The following TIMP2 variants were observed in gnomAD, a reference collection of about 807,000 sequenced individuals.
TIMP2 encodes the protein metalloproteinase inhibitor 2.
In TIMP2, 5 loss-of-function variants were observed where a neutral mutation model predicts 24.3. That is an observed-to-expected ratio of 0.21 (90% CI 0.11 to 0.43). TIMP2 has a LOEUF of 0.43. Among genes scored for constraint, TIMP2 ranks in the 20% least tolerant of loss-of-function variants. The probability of loss-of-function intolerance (pLI) is 1.00; values close to 1 mark genes in which losing one functional copy is unlikely to be tolerated. For missense variants in TIMP2, 221 were observed against 297.5 expected (o/e 0.74, Z 1.89); for synonymous variants, 130 against 123.2 (o/e 1.06, Z -0.37).
intron 1 of TIMP2, among the ~76,000 whole-genome samples, chr17:78,880,324 G>A (rs1185747629): frequency 6.6e-6 from 1 of 152,160 alleles, no homozygotes; most frequent in East Asian, 1.9e-4. Context: ...GAAGTACTAT[G>A]GAAGTTCCTG....
At chr17:78,864,853 A>C (rs1256141802) in intron 3 of TIMP2, among the ~76,000 whole-genome samples, 1 of 152,056 alleles carries the variant, frequency 6.6e-6, no homozygotes, top group Non-Finnish European at 1.5e-5. Context: ...GGAGTTCAAG[A>C]CCAGCCTGAC....
chr17:78,910,499 A>C (rs2070198041), intron 1 of TIMP2, among the ~76,000 whole-genome samples: 1 of 152,164 alleles, frequency 6.6e-6, no homozygotes, highest in African/African-American at 2.4e-5. Context: ...CCTATTGTTA[A>C]TTACATTAAT....
chr17:78,924,858 G>T lies in TIMP2; in HGVS notation c.130+101C>A. The T allele has an allele frequency of 1.3e-6, 1 of 747,188 alleles. No individual in the cohort carries two copies. The highest frequency in any genetic ancestry group is 1.7e-6 in the Non-Finnish European group (1 of 576,344). The allele number at this position is 747,188 out of a possible 1,614,324, so 46.3% of individuals were successfully genotyped here. A position where few individuals can be genotyped will look rare whatever the true frequency, so the allele number is the denominator to read the frequency against. On this transcript the variant is annotated intron_variant, in intron 1 of 4. Transcript: ENST00000262768. The surrounding 1 kb of genome is among the most constrained non-coding windows in gnomAD (Gnocchi z 5.3). ...GCCGAGGGACCAGGAGGCGGGCGCT[G>T]GGGTCCCTCGGCCAGCGGCGGGCGG... is the stretch of plus-strand genomic sequence containing the variant.
At chr17:78,894,895 T>C (rs1313485773) in intron 1 of TIMP2, among the ~76,000 whole-genome samples, 2 of 152,094 alleles carry the variant, frequency 1.3e-5, no homozygotes, top group South Asian at 2.1e-4. Flanking sequence ...AAGGAAATAT[T>C]TGCAAATCAT....
intron 1 of TIMP2, chr17:78,890,695 G>T (rs917673501): frequency 5.5e-5 from 86 of 1,550,464 alleles, no homozygotes; most frequent in Non-Finnish European, 7.3e-5. Flanking sequence ...GAAACTGCTT[G>T]TGCAACCTGT....
At chr17:78,857,889 A>G (rs2069537590) in intron 3 of TIMP2, among the ~76,000 whole-genome samples, 1 of 151,296 alleles carries the variant, frequency 6.6e-6, no homozygotes, top group Non-Finnish European at 1.5e-5. Flanking sequence ...GGCCAACGTG[A>G]TGAAACCCCC....
At chr17:78,878,305 T>C (rs2069746570) in intron 1 of TIMP2, among the ~76,000 whole-genome samples, 1 of 152,168 alleles carries the variant, frequency 6.6e-6, no homozygotes, top group South Asian at 2.1e-4. Flanking sequence ...GCCACAGTTG[T>C]TCACACCTAA....
At chr17:78,912,219 T>C (rs1459707879) in intron 1 of TIMP2, among the ~76,000 whole-genome samples, 2 of 152,210 alleles carry the variant, frequency 1.3e-5, no homozygotes, top group African/African-American at 2.4e-5. Context: ...ATACTTTTCA[T>C]GTCGCCTCTT....
intron 1 of TIMP2, among the ~76,000 whole-genome samples, chr17:78,923,563 G>A (rs73999323): frequency 0.031 from 4,730 of 152,218 alleles, 237 homozygotes; most frequent in African/African-American, 0.11. Context: ...TGGACCCCCA[G>A]AGAAAGGCCC....
In TIMP2 at chr17:78,896,676, C is replaced by G. The variant is rs1028234248; in HGVS notation, c.131-22757G>C. On this transcript the variant is annotated intron_variant, in intron 1 of 4. Coordinates refer to ENST00000262768, the MANE Select transcript of TIMP2 (RefSeq NM_003255.5). This position sits in a 1 kb window ranked among gnomAD's most constrained non-coding sequence, Gnocchi z 4.4. ...CTTCTGCTGGCTGCCTTCAACCACT[C>G]AGAGAAACCACAGCTCCCCCCTCCG... 1.3e-5 allele frequency among the ~76,000 whole-genome samples: 2 copies of G among 152,156 alleles called. No homozygotes were observed. Among genetic ancestry groups the G allele is most frequent in the African/African-American group, 4.8e-5 (2 of 41,434 alleles).
At chr17:78,921,031 T>C (rs9914634) in intron 1 of TIMP2, among the ~76,000 whole-genome samples, 142,407 of 152,306 alleles carry the variant, frequency 0.94, 66,637 homozygotes, top group East Asian at 0.96. Context: ...CACAACGAGT[T>C]GCCAACAGTT....
rs1317672673 is a variant in TIMP2, at chr17:78,891,266, T to G, written c.131-17347A>C. 1.3e-6 allele frequency: 2 copies of G among 1,550,642 alleles called. No homozygotes were observed. Among genetic ancestry groups the G allele is most frequent in the Non-Finnish European group, 1.7e-6 (2 of 1,147,006 alleles). On this transcript the variant is annotated intron_variant, in intron 1 of 4. Coordinates refer to ENST00000262768, the MANE Select transcript of TIMP2 (RefSeq NM_003255.5). This position sits in a 1 kb window ranked among gnomAD's most constrained non-coding sequence, Gnocchi z 4.5. ...GGTCTTGGACGCTGCCTGCTGCGCC[T>G]CCTCCTCTGCTGGGCTCCTGGGTTC... is the stretch of plus-strand genomic sequence containing the variant.
rs375322901 is a variant in TIMP2, at chr17:78,867,671, C to T, written c.340+3227G>A. Among the ~76,000 whole-genome samples the T allele has an allele frequency of 4.3e-4, 65 of 150,060 alleles. No individual in the cohort carries two copies. In the South Asian group the frequency reaches 0.014, roughly 31 times the overall value. The stretch of plus-strand genomic sequence containing the variant: ...AGTGCAGTGGCACGATCTCGGCTCA[C>T]TACAAGTTCCGCCTCCCGGGTTCAC... On this transcript the variant is annotated intron_variant, in intron 3 of 4. Transcript: ENST00000262768.
chr17:78,887,531 C>A (rs572002669), intron 1 of TIMP2, among the ~76,000 whole-genome samples: 2 of 152,102 alleles, frequency 1.3e-5, no homozygotes, highest in Non-Finnish European at 2.9e-5. Context: ...ACTACAAGTG[C>A]GCGCCGCCAC....
chr17:78,883,773 C>T lies in TIMP2; in HGVS notation c.131-9854G>A, dbSNP rs375249298. Among the ~76,000 whole-genome samples the T allele has an allele frequency of 1.1e-4, 17 of 152,296 alleles. No individual in the cohort carries two copies. In the South Asian group the frequency reaches 2.3e-3, roughly 20 times the overall value. Reference sequence around the variant, plus strand: ...AGCATCTATCAGAGCACCTCAGCCACGCAGAGCAAAGCCGCCCTCTCTGCC... The same window carrying T: ...AGCATCTATCAGAGCACCTCAGCCATGCAGAGCAAAGCCGCCCTCTCTGCC... On this transcript the variant is annotated intron_variant, in intron 1 of 4. Coordinates refer to ENST00000262768, the MANE Select transcript of TIMP2 (RefSeq NM_003255.5).
At chr17:78,893,123 G>A (rs959700621) in intron 1 of TIMP2, among the ~76,000 whole-genome samples, 8 of 150,864 alleles carry the variant, frequency 5.3e-5, no homozygotes, top group African/African-American at 1.9e-4. Context: ...ATGCACATGT[G>A]TGTGCAGGGG....
chr17:78,869,425 A>C (rs1270906920), intron 3 of TIMP2, among the ~76,000 whole-genome samples: 7 of 152,026 alleles, frequency 4.6e-5, no homozygotes, highest in South Asian at 4.2e-4. Context: ...AAAAAAAAAA[A>C]AAACAAACCA....
At chr17:78,886,477 G>A (rs188889195) in intron 1 of TIMP2, among the ~76,000 whole-genome samples, 20 of 152,086 alleles carry the variant, frequency 1.3e-4, no homozygotes, top group Admixed American at 2.6e-4. Flanking sequence ...ACTGACAGGC[G>A]GCTACGCTCC....
Position 78,880,789 on chromosome 17 carries a change from G to A in TIMP2, c.131-6870C>T, listed in dbSNP as rs1469243691. Among the ~76,000 whole-genome samples the A allele has an allele frequency of 3.9e-5, 6 of 152,288 alleles. No homozygotes were observed. In the South Asian group the frequency reaches 6.2e-4, roughly 16 times the overall value. On this transcript the variant is annotated intron_variant, in intron 1 of 4. Transcript: ENST00000262768. Reference sequence around the variant, plus strand: ...TATCTTGCCAGGGGCCCAACTGCTCGCTGGAGGAATCCCACATGCTATATG... The same window carrying A: ...TATCTTGCCAGGGGCCCAACTGCTCACTGGAGGAATCCCACATGCTATATG...
Sources: allele counts gnomAD v4.1 joint callset (sites outside exome capture counted in the v4.1 genomes callset), GRCh38; gene constraint gnomAD v4.1.1; non-coding constraint Gnocchi (gnomAD v3.1); transcripts MANE v1.5; gene names NCBI Gene and HGNC (gene_info 2026-07-23, HGNC 2026-07-21).